Variants in SHANK2 observed in about 807,000 individuals in gnomAD.
SHANK2 encodes SH3 and multiple ankyrin repeat domains 2.
A neutral mutation model predicts 133.7 loss-of-function variants in SHANK2; 43 were observed. That is an observed-to-expected ratio of 0.32 (90% CI 0.25 to 0.41). The LOEUF (loss-of-function observed/expected upper bound fraction) is 0.41, where lower values mean the gene tolerates loss of function less well. SHANK2 is among the 10% of genes least tolerant of loss of function. The pLI is 1.00. For missense variants in SHANK2, 1,994 were observed against 2,235.8 expected (o/e 0.89, Z 2.18); for synonymous variants, 1,017 against 952.8 (o/e 1.07, Z -1.24).
At chr11:71,060,414 C>G (rs1950973595) in intron 9 of SHANK2, among the ~76,000 whole-genome samples, 1 of 152,244 alleles carries the variant, frequency 6.6e-6, no homozygotes, top group Admixed American at 6.5e-5. Flanking sequence ...GAATCACATG[C>G]CACTCCCCAA....
intron 14 of SHANK2, among the ~76,000 whole-genome samples, chr11:70,771,645 G>A (rs782789078): frequency 1.4e-4 from 22 of 152,118 alleles, no homozygotes; most frequent in Non-Finnish European, 2.1e-4. Context: ...GAGGAGGGGC[G>A]TGGAGCCGCG....
chr11:70,520,233 C>A (rs371162579), intron 17 of SHANK2, among the ~76,000 whole-genome samples: 7 of 152,132 alleles, frequency 4.6e-5, no homozygotes. Flanking sequence ...TTAACTAAAG[C>A]CCACATTTTA....
intron 2 of SHANK2, among the ~76,000 whole-genome samples, chr11:71,194,143 G>C (rs1176619129): frequency 2.0e-5 from 3 of 152,148 alleles, no homozygotes; most frequent in Non-Finnish European, 4.4e-5. Flanking sequence ...ACCCACTCCA[G>C]GATGGGGTGG....
At chr11:71,060,768 C>T (rs1203867755) in intron 9 of SHANK2, among the ~76,000 whole-genome samples, 6 of 152,242 alleles carry the variant, frequency 3.9e-5, no homozygotes, top group South Asian at 2.1e-4. Flanking sequence ...CACAAGGAAA[C>T]GAGCTGCTAG....
chr11:70,894,910 G>A (rs782098573), intron 11 of SHANK2, among the ~76,000 whole-genome samples: 14 of 152,240 alleles, frequency 9.2e-5, no homozygotes, highest in Non-Finnish European at 1.9e-4. Context: ...GCTATCCTGT[G>A]TGCTGCTCTT....
intron 15 of SHANK2, among the ~76,000 whole-genome samples, chr11:70,688,878 T>C (rs77276200): frequency 0.013 from 1,967 of 152,346 alleles, 22 homozygotes; most frequent in African/African-American, 0.035. Flanking sequence ...TGCAACTCAC[T>C]TCAAGATAAA....
chr11:70,720,114 C>T (rs1391466749), intron 14 of SHANK2, among the ~76,000 whole-genome samples: 1 of 152,212 alleles, frequency 6.6e-6, no homozygotes, highest in Non-Finnish European at 1.5e-5. Flanking sequence ...CCGCTGGAAC[C>T]AGCTCCATGA....
chr11:71,084,301 C>T (rs1232366323), intron 8 of SHANK2, among the ~76,000 whole-genome samples: 1 of 152,208 alleles, frequency 6.6e-6, no homozygotes, highest in Non-Finnish European at 1.5e-5. Flanking sequence ...AATTTGCAGA[C>T]AGCCTGAGCT....
At chr11:70,870,244 G>C (rs147929725) in intron 11 of SHANK2, among the ~76,000 whole-genome samples, 1 of 152,120 alleles carries the variant, frequency 6.6e-6, no homozygotes, top group Non-Finnish European at 1.5e-5. Context: ...AAATGAACCC[G>C]GGGTGAGACC....
chr11:70,513,524 C>CA (rs2059230147), intron 17 of SHANK2, among the ~76,000 whole-genome samples: 1 of 152,184 alleles, frequency 6.6e-6, no homozygotes, highest in Non-Finnish European at 1.5e-5. Context: ...GTTGCCAAAG[C>CA]ATAACATTCA....
At chr11:70,874,155 C>G (rs551527812) in intron 11 of SHANK2, among the ~76,000 whole-genome samples, 9 of 152,020 alleles carry the variant, frequency 5.9e-5, no homozygotes, top group Non-Finnish European at 1.3e-4. Context: ...CTATCCATAT[C>G]TATCTAATCT....
In SHANK2 at chr11:70,739,213, G is replaced by A. The variant is rs1205706519; in HGVS notation, c.1778-40450C>T. On this transcript the variant is annotated intron_variant, in intron 14 of 25. Coordinates refer to ENST00000601538, the MANE Select transcript of SHANK2 (RefSeq NM_012309.5). This position sits in a 1 kb window ranked among gnomAD's most constrained non-coding sequence, Gnocchi z 4.3. The stretch of plus-strand genomic sequence containing the variant: ...CCTCAGCCAGAGGGCCTGATGGTGG[G>A]GATGCGGCATGTGAACTTCAGGGGC... Among the ~76,000 whole-genome samples, 1 of 152,182 alleles carries A rather than the reference G, an allele frequency of 6.6e-6. No individual in the cohort carries two copies. The highest frequency in any genetic ancestry group is 1.9e-4 in the East Asian group (1 of 5,186).
intron 12 of SHANK2, among the ~76,000 whole-genome samples, chr11:70,813,980 G>A (rs1171467875): frequency 2.6e-5 from 4 of 152,124 alleles, no homozygotes; most frequent in African/African-American, 7.2e-5. Flanking sequence ...ACAGGACACC[G>A]GCTACCCCTC....
intron 1 of SHANK2, among the ~76,000 whole-genome samples, chr11:71,244,460 G>C (rs545750103): frequency 6.6e-6 from 1 of 152,214 alleles, no homozygotes; most frequent in Non-Finnish European, 1.5e-5. Context: ...GGCTCTCAGC[G>C]TGCAGCCCCG....
intron 12 of SHANK2, among the ~76,000 whole-genome samples, chr11:70,819,115 G>A (rs892757996): frequency 6.6e-6 from 1 of 152,246 alleles, no homozygotes; most frequent in Admixed American, 6.5e-5. Flanking sequence ...GGATGGGGGC[G>A]AGGGTCAGGG....
At chr11:70,782,109 G>C (rs1555045303) in intron 14 of SHANK2, among the ~76,000 whole-genome samples, 1 of 152,210 alleles carries the variant, frequency 6.6e-6, no homozygotes, top group African/African-American at 2.4e-5. Flanking sequence ...CTGTTGCCCA[G>C]GCTGGAGTGC....
chr11:70,759,852 A>AT (rs1946954361), intron 14 of SHANK2, among the ~76,000 whole-genome samples: 2 of 152,210 alleles, frequency 1.3e-5, no homozygotes, highest in Admixed American at 1.3e-4. Flanking sequence ...AGCCATAACT[A>AT]TAACTGTGAT....
chr11:70,499,623 C>T (rs1555157930), intron 21 of SHANK2, among the ~76,000 whole-genome samples: 1 of 152,228 alleles, frequency 6.6e-6, no homozygotes, highest in Admixed American at 6.5e-5. Context: ...GGTGTTCACA[C>T]ACAAACGTAA....
intron 17 of SHANK2, among the ~76,000 whole-genome samples, chr11:70,608,092 ATG>A (rs1317207423): frequency 6.6e-6 from 1 of 152,188 alleles, no homozygotes; most frequent in Non-Finnish European, 1.5e-5. Context: ...ATAAAGGTAA[ATG>A]TGCCAGCTGC....
Sources: gnomAD v4.1 joint callset for allele counts (sites outside exome capture counted in the v4.1 genomes callset) on GRCh38, gnomAD v4.1.1 for gene constraint, Gnocchi (gnomAD v3.1) non-coding constraint, MANE v1.5 for transcripts, NCBI Gene and HGNC (gene_info 2026-07-23, HGNC 2026-07-21) for gene names.